ACER1: variants seen among roughly 807,000 people sequenced by gnomAD.
The protein encoded by ACER1 is alkaline ceramidase 1, also known as CTB-180A7.3.
In ACER1, 28 loss-of-function variants were observed where a neutral mutation model predicts 24.9. That is an observed-to-expected ratio of 1.13 (90% CI 0.83 to 1.54). ACER1 has a LOEUF of 1.54. Among genes scored for constraint, ACER1 ranks in the 40% most tolerant of loss-of-function variants. ACER1 has a pLI of 0.00. For missense variants in ACER1, 352 were observed against 349.3 expected (o/e 1.01, Z -0.06); for synonymous variants, 132 against 131.4 (o/e 1.00, Z -0.03).
chr19:6,354,854 G>A, the ACER1 span, among the ~76,000 whole-genome samples: 1 of 151,796 alleles, frequency 6.6e-6, no homozygotes, highest in African/African-American at 2.4e-5. Flanking sequence ...CTCTTTCCAC[G>A]GTCTCCCACT....
the ACER1 span, among the ~76,000 whole-genome samples, chr19:6,352,207 G>C: frequency 6.6e-6 from 1 of 152,174 alleles, no homozygotes; most frequent in East Asian, 1.9e-4. Flanking sequence ...CTCCTCCGCC[G>C]AGTCTATTTC....
At chr19:6,307,132 A>G (rs2144993251) in intron 5 of ACER1, 21 bp downstream of exon 5, 4 of 1,612,882 alleles carry the variant, frequency 2.5e-6, no homozygotes, top group Non-Finnish European at 2.5e-6. Context: ...GGCCCCCCAC[A>G]GCCTCAGAGC....
intron 1 of ACER1, among the ~76,000 whole-genome samples, chr19:6,326,144 A>AG (rs972822484): frequency 2.7e-4 from 37 of 139,452 alleles, no homozygotes; most frequent in African/African-American, 9.9e-4. Flanking sequence ...TTTTTTTTTA[A>AG]AGACGGAGTC....
At chr19:6,353,256 C>T in the ACER1 span, 1 of 151,904 alleles carries the variant, frequency 6.6e-6, no homozygotes. Context: ...TGCTTGAACC[C>T]AGGAGGTCAA....
chr19:6,308,179 A>T (rs1163304759), intron 4 of ACER1, among the ~76,000 whole-genome samples: 1 of 152,182 alleles, frequency 6.6e-6, no homozygotes, highest in Non-Finnish European at 1.5e-5. Flanking sequence ...TCAAGCCTGT[A>T]ATCCCAGCAC....
intron 1 of ACER1, among the ~76,000 whole-genome samples, chr19:6,323,511 G>A (rs560598819): frequency 6.6e-6 from 1 of 152,210 alleles, no homozygotes; most frequent in Non-Finnish European, 1.5e-5. Context: ...GATGTGACTT[G>A]CTCCTCCTTG....
intron 1 of ACER1, among the ~76,000 whole-genome samples, chr19:6,324,560 C>G (rs1314370630): frequency 3.3e-5 from 5 of 149,370 alleles, no homozygotes; most frequent in Non-Finnish European, 7.4e-5. Flanking sequence ...GAGTTCAAGA[C>G]CAACCTGACC....
chr19:6,350,901 AG>A, the ACER1 span, among the ~76,000 whole-genome samples: 1 of 152,224 alleles, frequency 6.6e-6, no homozygotes, highest in Non-Finnish European at 1.5e-5. Flanking sequence ...CCATGTGAGC[AG>A]ATCTGAGCCA....
At chr19:6,308,913 ACT>A (rs1185858063) in intron 4 of ACER1, among the ~76,000 whole-genome samples, 2 of 151,992 alleles carry the variant, frequency 1.3e-5, no homozygotes, top group Admixed American at 6.6e-5. Flanking sequence ...AAAAGGACAA[ACT>A]CTGCTGGGCA....
Position 6,306,598 on chromosome 19 carries a change from G to A in ACER1, c.*116C>T. The A allele has an allele frequency of 7.9e-7, 1 of 1,273,058 alleles. No homozygotes were observed. Among genetic ancestry groups the A allele is most frequent in the Admixed American group, 2.5e-5 (1 of 39,570 alleles). 78.9% of individuals were successfully genotyped at this position (1,273,058 alleles called of 1,614,324 possible). A position where few individuals can be genotyped will look rare whatever the true frequency, so the allele number is the denominator to read the frequency against. On this transcript the variant is annotated 3_prime_UTR_variant, in exon 6 of 6. Transcript: ENST00000301452. ...AGCGCAGGACAAGGAGGACACGGAA[G>A]GGGAAACAGAGGAAGGAACCACGAG...
At chr19:6,339,513 G>A in the ACER1 span, among the ~76,000 whole-genome samples, 1 of 152,156 alleles carries the variant, frequency 6.6e-6, no homozygotes, top group African/African-American at 2.4e-5. Context: ...AGTTTGGAAA[G>A]ATGAGAAAGT....
At chr19:6,315,938 G>T (rs1013063817) in intron 1 of ACER1, among the ~76,000 whole-genome samples, 4 of 152,200 alleles carry the variant, frequency 2.6e-5, no homozygotes, top group Non-Finnish European at 4.4e-5. Context: ...GACCAGCCTG[G>T]CCAACATGGT....
At chr19:6,333,617 G>A, upstream of ACER1, 1 of 1,420,906 alleles carries the variant, frequency 7.0e-7, no homozygotes, top group Non-Finnish European at 9.6e-7. Context: ...GGGAAGGCTG[G>A]GCCCTGATGA....
In ACER1 at chr19:6,306,340, T is replaced by G. The variant is rs193046265; in HGVS notation, c.*374A>C. ...TGGGATTATAGGCGTGAGCCACCGTTCCCAGCCTAGAAGCTAATATTTAGA... is the reference window on the plus strand; with the variant it reads ...TGGGATTATAGGCGTGAGCCACCGTGCCCAGCCTAGAAGCTAATATTTAGA... On this transcript the variant is annotated 3_prime_UTR_variant, in exon 6 of 6. Coordinates refer to ENST00000301452, the MANE Select transcript of ACER1 (RefSeq NM_133492.3). The G allele has an allele frequency of 7.0e-3, 1,202 of 171,774 alleles. 16 individuals are homozygous for G. Among genetic ancestry groups the G allele is most frequent in the African/African-American group, 0.027 (1,146 of 42,388 alleles). The allele number at this position is 171,774 out of a possible 1,614,324, so 10.6% of individuals were successfully genotyped here. A position where few individuals can be genotyped will look rare whatever the true frequency, so the allele number is the denominator to read the frequency against.
At chr19:6,331,860 C>A (rs1488505493) in intron 1 of ACER1, among the ~76,000 whole-genome samples, 4 of 152,170 alleles carry the variant, frequency 2.6e-5, no homozygotes, top group Non-Finnish European at 5.9e-5. Flanking sequence ...CCCAGGGCTC[C>A]AGGCAAACAC....
At chr19:6,325,546 G>A (rs150734915) in intron 1 of ACER1, among the ~76,000 whole-genome samples, 2,638 of 152,296 alleles carry the variant, frequency 0.017, 72 homozygotes, top group African/African-American at 0.061. Context: ...CCAGCTACTT[G>A]GGAGGCTGAG....
intron 1 of ACER1, among the ~76,000 whole-genome samples, chr19:6,325,452 A>G (rs1481827824): frequency 1.3e-5 from 2 of 152,192 alleles, no homozygotes; most frequent in African/African-American, 2.4e-5. Flanking sequence ...CAGGAGTTCA[A>G]GACCAGGCTG....
the ACER1 span, among the ~76,000 whole-genome samples, chr19:6,355,058 C>T: frequency 3.3e-5 from 5 of 152,246 alleles, no homozygotes; most frequent in African/African-American, 4.8e-5. Context: ...CTCCTAAGTG[C>T]GAGTGATCCG....
chr19:6,340,349 AAGGAAGGAAGGAAGGAAG>A, the ACER1 span, among the ~76,000 whole-genome samples: 1 of 138,472 alleles, frequency 7.2e-6, no homozygotes, highest in Admixed American at 7.1e-5. Context: ...GGAAGGAAGG[AAGGAAGGAAGGAAGGAAG>A]GAAGGAAGAA....
Sources: gnomAD v4.1 joint callset for allele counts (sites outside exome capture counted in the v4.1 genomes callset) on GRCh38, gnomAD v4.1.1 for gene constraint, MANE v1.5 for transcripts, NCBI Gene and HGNC (gene_info 2026-07-23, HGNC 2026-07-21) for gene names.